Variants in TCF20 observed in about 807,000 individuals in gnomAD.
The protein encoded by TCF20 is transcription factor 20, also known as SPRE-binding protein.
In TCF20, 3 loss-of-function variants were observed where a neutral mutation model predicts 148.6. That is an observed-to-expected ratio of 0.02 (90% CI 0.01 to 0.05). The LOEUF (loss-of-function observed/expected upper bound fraction) is 0.05. Ranked by LOEUF, TCF20 falls within the 10% of genes least tolerant of loss-of-function variation. TCF20 has a pLI of 1.00. For missense variants in TCF20, 2,350 were observed against 2,429.3 expected (o/e 0.97, Z 0.69); for synonymous variants, 1,049 against 909.5 (o/e 1.15, Z -2.76).
At chr22:42,231,928 CAAAA>C (rs55642530) in intron 1 of TCF20, among the ~76,000 whole-genome samples, 10 of 123,266 alleles carry the variant, frequency 8.1e-5, no homozygotes, top group Admixed American at 2.5e-4. Flanking sequence ...GACTCCGTCT[CAAAA>C]AAAAAAAAAA....
intron 1 of TCF20, among the ~76,000 whole-genome samples, chr22:42,223,097 C>T (rs1569162286): frequency 6.6e-6 from 1 of 152,100 alleles, no homozygotes; most frequent in African/African-American, 2.4e-5. Context: ...TGCAGTGAGC[C>T]GAGGCTGCAC....
chr22:42,214,802 T>G lies in TCF20; in HGVS notation c.504A>C (p.Gln168His). ...GPFSPGSAQY[Q>H]QQASSQQQQQ... ...GCTGCTGCTGGCTGGAAGCCTGCTG[T>G]TGGTACTGAGCACTCCCTGGAGAGA... The change falls in exon 2 of 6, where the codon CAA (glutamine) becomes CAC (histidine). Residue 168 changes from glutamine (Q) to histidine (H), a missense_variant. Physicochemically the swap from Gln to His is conservative, Grantham distance 24 (BLOSUM62 0). Around this residue, in one of 7 missense-constraint regions of TCF20, gnomAD observed 1,641 missense variants for 1,662.6 expected, o/e 0.99. Coordinates refer to ENST00000677622, the MANE Select transcript of TCF20 (RefSeq NM_001378418.1). 1.2e-6 allele frequency: 2 copies of G among 1,614,102 alleles called. No homozygotes were observed. Among genetic ancestry groups the G allele is most frequent in the Non-Finnish European group, 1.7e-6 (2 of 1,180,024 alleles).
intron 1 of TCF20, among the ~76,000 whole-genome samples, chr22:42,220,117 T>C (rs760929261): frequency 5.3e-5 from 8 of 152,248 alleles, no homozygotes; most frequent in East Asian, 1.9e-4. Flanking sequence ...AAAACCAACA[T>C]TGGCTTTCTC....
At chr22:42,217,891 G>A (rs775133454) in intron 1 of TCF20, among the ~76,000 whole-genome samples, 5 of 152,154 alleles carry the variant, frequency 3.3e-5, no homozygotes, top group Admixed American at 6.5e-5. Flanking sequence ...TTGAAATATC[G>A]TAAGTCTAAA....
chr22:42,176,177 G>A (rs1274643959), intron 3 of TCF20, among the ~76,000 whole-genome samples: 1 of 152,158 alleles, frequency 6.6e-6, no homozygotes, highest in Non-Finnish European at 1.5e-5. Flanking sequence ...ATGTACGTGT[G>A]AATACACACA....
At chr22:42,335,679 C>G (rs1292023380) in intron 1 of TCF20, among the ~76,000 whole-genome samples, 2 of 152,120 alleles carry the variant, frequency 1.3e-5, no homozygotes, top group Admixed American at 1.3e-4. Context: ...GGGGCAGAGA[C>G]CTGAGGGCAA....
chr22:42,245,157 G>A (rs1601653502), intron 1 of TCF20, among the ~76,000 whole-genome samples: 1 of 152,142 alleles, frequency 6.6e-6, no homozygotes, highest in Admixed American at 6.5e-5. Context: ...GCAAGAGCAA[G>A]TAATTCATTA....
intron 3 of TCF20, among the ~76,000 whole-genome samples, chr22:42,170,592 C>T (rs549453899): frequency 3.2e-5 from 4 of 126,420 alleles, no homozygotes; most frequent in African/African-American, 9.2e-5. Flanking sequence ...CACACCACTG[C>T]ACTCCAGCCT....
intron 2 of TCF20, among the ~76,000 whole-genome samples, chr22:42,181,650 C>T (rs953362567): frequency 6.6e-6 from 1 of 150,918 alleles, no homozygotes; most frequent in Non-Finnish European, 1.5e-5. Context: ...CTCTGTCACC[C>T]AGGATGGAGT....
Position 42,211,033 on chromosome 22 carries a change from G to A in TCF20, c.4273C>T (p.His1425Tyr), listed in dbSNP as rs759281870. Residue 1425 changes from histidine (H) to tyrosine (Y), a missense_variant, in exon 2 of 6, where the codon CAC (histidine) becomes TAC (tyrosine). Physicochemically the swap from His to Tyr is moderately conservative, Grantham distance 83 (BLOSUM62 2). Coordinates refer to ENST00000677622, the MANE Select transcript of TCF20 (RefSeq NM_001378418.1). ...DLVSPANQEL[H>Y]VEKPLPRSSE... ...GACCTTGGAAGAGGTTTCTCTACGT[G>A]CAACTCCTGGTTTGCTGGACTGACT... 7 of 1,614,120 alleles carry A rather than the reference G, an allele frequency of 4.3e-6. No homozygotes were observed. The South Asian group carries it at 7.7e-5, about 18-fold the overall frequency.
At chr22:42,307,193 A>G (rs1181893130) in intron 1 of TCF20, among the ~76,000 whole-genome samples, 2 of 152,222 alleles carry the variant, frequency 1.3e-5, no homozygotes. Context: ...CGCCGGCTGC[A>G]GTAGCTACAA....
At position 42,210,791 on chromosome 22, in the gene TCF20, A is replaced by C. The variant is rs747908711; in HGVS notation, c.4515T>G (p.Pro1505=). ...TCTCTTCAGCCTTGGGGTTTGCCTC[A>C]GGGGCCAATATGCCCACTGGAGGTA... ...KNVPPVGILA[P]EANPKAEEKE... The change falls in exon 2 of 6, where the codon CCT becomes CCG. Residue 1505 remains proline (P), a synonymous_variant. Coordinates refer to ENST00000677622, the MANE Select transcript of TCF20 (RefSeq NM_001378418.1). The surrounding 1 kb of genome is among the most constrained non-coding windows in gnomAD (Gnocchi z 4.7). 2 of 1,614,200 alleles carry C rather than the reference A, an allele frequency of 1.2e-6. No individual in the cohort carries two copies. Among genetic ancestry groups the C allele is most frequent in the South Asian group, 2.2e-5 (2 of 91,082 alleles).
At chr22:42,189,426 T>G (rs528387988) in intron 2 of TCF20, among the ~76,000 whole-genome samples, 74 of 152,346 alleles carry the variant, frequency 4.9e-4, no homozygotes, top group African/African-American at 1.8e-3. Flanking sequence ...CAGAAGAGAA[T>G]GTTTTGGACT....
At chr22:42,238,587 A>G (rs1924089952) in intron 1 of TCF20, among the ~76,000 whole-genome samples, 1 of 152,222 alleles carries the variant, frequency 6.6e-6, no homozygotes, top group African/African-American at 2.4e-5. Flanking sequence ...CTTCTGATTT[A>G]AAAGTGAGAG....
At chr22:42,240,434 A>G (rs1924293418) in intron 1 of TCF20, among the ~76,000 whole-genome samples, 1 of 152,244 alleles carries the variant, frequency 6.6e-6, no homozygotes, top group African/African-American at 2.4e-5. Context: ...TTAGAATAAC[A>G]TGAGTCCATG....
Position 42,212,818 on chromosome 22 carries a change from C to T in TCF20, c.2488G>A (p.Glu830Lys), listed in dbSNP as rs1208865297. 1 of 1,614,186 alleles carries T rather than the reference C, an allele frequency of 6.2e-7. No individual in the cohort carries two copies. The highest frequency in any genetic ancestry group is 8.5e-7 in the Non-Finnish European group (1 of 1,180,010). The change falls in exon 2 of 6, where the codon GAA becomes AAA. Residue 830 changes from glutamate to lysine, a missense_variant. Transcript: ENST00000677622. ...WERKSSSTAP[E>K]MKQINLTDYP... ...TCAGTCAAATTGATCTGTTTCATTTCAGGAGCTGTGCTGCTTGATTTCCTT... is the reference window on the plus strand; with the variant it reads ...TCAGTCAAATTGATCTGTTTCATTTTAGGAGCTGTGCTGCTTGATTTCCTT...
At position 42,302,848 on chromosome 22, in the gene TCF20, G is replaced by T. The variant is rs188594174; in HGVS notation, c.-37+40631C>A. Reference sequence around the variant, plus strand: ...CAACTTCAGGCTGGGACCCCGTCAGGTTCAACCAGAGCCTCCAGCCCTGGC... The same window carrying T: ...CAACTTCAGGCTGGGACCCCGTCAGTTTCAACCAGAGCCTCCAGCCCTGGC... On this transcript the variant is annotated intron_variant, in intron 1 of 1. Coordinates refer to the TCF20 transcript ENST00000515426. Among the ~76,000 whole-genome samples, 325 of 152,326 alleles carry T rather than the reference G, an allele frequency of 2.1e-3. 3 individuals carry two copies. The highest frequency in any genetic ancestry group is 3.4e-3 in the Middle Eastern group (1 of 294).
chr22:42,209,510 A>G, intron 2 of TCF20, 141 bp downstream of exon 2: 1 of 989,544 alleles, frequency 1.0e-6, no homozygotes, highest in Non-Finnish European at 1.5e-6. Context: ...CAAATTACCT[A>G]TTTCATTTTC....
At chr22:42,303,521 A>G (rs1341631349) in intron 1 of TCF20, among the ~76,000 whole-genome samples, 2 of 152,270 alleles carry the variant, frequency 1.3e-5, no homozygotes, top group Non-Finnish European at 2.9e-5. Context: ...TTTCCAGCCG[A>G]GGGCATGAGT....
Sources: allele counts gnomAD v4.1 joint callset (sites outside exome capture counted in the v4.1 genomes callset), GRCh38; gene constraint gnomAD v4.1.1; regional missense constraint gnomAD v4.1.1; non-coding constraint Gnocchi (gnomAD v3.1); transcripts MANE v1.5; gene names NCBI Gene and HGNC (gene_info 2026-07-23, HGNC 2026-07-21).